CTBP2: variants seen among roughly 807,000 people sequenced by gnomAD.
CTBP2 encodes C-terminal-binding protein 2.
CTBP2 carries 30 observed loss-of-function variants against 80.3 expected under a neutral mutation model. The observed-to-expected ratio is 0.37, with a 90% confidence interval of 0.28 to 0.51. CTBP2 has a LOEUF of 0.51. Ranked by LOEUF, CTBP2 falls within the 20% of genes least tolerant of loss-of-function variation. CTBP2 has a pLI of 0.93. For synonymous variants in CTBP2, 594 were observed against 587.4 expected (o/e 1.01, Z -0.16); for missense variants, 1,212 against 1,375.3 (o/e 0.88, Z 1.88).
intron 8 of CTBP2, among the ~76,000 whole-genome samples, chr10:124,991,797 T>A (rs536100589): frequency 6.7e-6 from 1 of 150,206 alleles, no homozygotes; most frequent in South Asian, 2.1e-4. Flanking sequence ...AAACCCTGGT[T>A]TAGAATATGC....
intron 1 of CTBP2, among the ~76,000 whole-genome samples, chr10:125,152,162 G>A (rs1416408921): frequency 1.3e-5 from 2 of 152,078 alleles, no homozygotes; most frequent in South Asian, 2.1e-4. Flanking sequence ...AGGTCCACCC[G>A]CCGGGAGGAG....
chr10:125,151,005 T>C (rs1288952606), intron 1 of CTBP2, among the ~76,000 whole-genome samples: 1 of 150,894 alleles, frequency 6.6e-6, no homozygotes, highest in Non-Finnish European at 1.5e-5. Flanking sequence ...AGGTGATAGT[T>C]AGTCACTGTT....
intron 1 of CTBP2, among the ~76,000 whole-genome samples, chr10:125,009,008 T>C (rs1006457390): frequency 1.3e-5 from 2 of 152,230 alleles, no homozygotes; most frequent in Non-Finnish European, 2.9e-5. Context: ...AAAAAAGTTC[T>C]AAGTTGCTAG....
intron 1 of CTBP2, chr10:125,005,969 C>A (rs1365988892): frequency 6.8e-7 from 1 of 1,473,684 alleles, no homozygotes; most frequent in Non-Finnish European, 8.9e-7. Context: ...AGGTGGGAAT[C>A]CAGAGCCGCT....
chr10:125,125,151 T>G (rs1316802268), intron 1 of CTBP2, among the ~76,000 whole-genome samples: 1 of 152,224 alleles, frequency 6.6e-6, no homozygotes, highest in Non-Finnish European at 1.5e-5. Flanking sequence ...CCAGATGGCT[T>G]GCTGAACTCT....
chr10:125,110,463 A>G (rs1374549978), intron 2 of CTBP2, among the ~76,000 whole-genome samples: 1 of 152,080 alleles, frequency 6.6e-6, no homozygotes, highest in Non-Finnish European at 1.5e-5. Context: ...CACATTCCCA[A>G]TCTACTCCGC....
chr10:124,986,285 G>GCACACACACA lies in CTBP2; in HGVS notation c.*3232_*3233insTGTGTGTGTG, dbSNP rs1295268779. The GCACACACACA allele has an allele frequency of 2.4e-3, 136 of 57,834 alleles. 1 individual carries two copies. The highest frequency in any genetic ancestry group is 7.1e-3 in the African/African-American group (127 of 17,912). 3.6% of individuals were successfully genotyped at this position (57,834 alleles called of 1,614,324 possible). On this transcript the variant is annotated 3_prime_UTR_variant, in exon 9 of 9. Transcript: ENST00000309035. ...TTGGAAAGACGACACACGCACGCGC[G>GCACACACACA]CGCGCGCACACACACACACACACAC...
At position 124,993,865 on chromosome 10, in the gene CTBP2, C is replaced by T. The variant is rs779847652; in HGVS notation, c.2521G>A (p.Glu841Lys). 1.2e-6 allele frequency: 2 copies of T among 1,612,698 alleles called. No individual in the cohort carries two copies. Among genetic ancestry groups the T allele is most frequent in the South Asian group, 1.1e-5 (1 of 90,970 alleles). The stretch of plus-strand genomic sequence containing the variant: ...TGGGGCAACACGCACCTGAAGGGCT[C>T]TGACTCATGCACGTCGAGGGCTGCC... Residue 841 changes from glutamate to lysine, a missense_variant, in exon 6 of 9, where the codon GAG (glutamate) becomes AAG (lysine). Physicochemically the swap from Glu to Lys is moderately conservative, Grantham distance 56 (BLOSUM62 1). Coordinates refer to ENST00000309035, the MANE Select transcript of CTBP2 (RefSeq NM_022802.3).
intron 4 of CTBP2, among the ~76,000 whole-genome samples, chr10:124,995,462 G>A (rs980611096): frequency 2.0e-5 from 3 of 152,184 alleles, no homozygotes; most frequent in Non-Finnish European, 2.9e-5. Flanking sequence ...TAGTGTTGAT[G>A]CTCGACTGGT....
chr10:125,003,509 G>A lies in CTBP2; in HGVS notation c.1679-17C>T. The A allele has an allele frequency of 6.5e-7, 1 of 1,536,208 alleles. No homozygotes were observed. Among genetic ancestry groups the A allele is most frequent in the Non-Finnish European group, 8.7e-7 (1 of 1,144,584 alleles). ...GGCGGATACCTGCCAGGAGGGAAGG[G>A]GTGAGCACAGTGGGTGGGTGGCTGG... On this transcript the variant is annotated splice_polypyrimidine_tract_variant and intron_variant, in intron 1 of 8. Transcript: ENST00000309035.
Position 124,985,086 on chromosome 10 carries a change from G to A in CTBP2, c.*4432C>T, listed in dbSNP as rs1261077381. On this transcript the variant is annotated 3_prime_UTR_variant, in exon 9 of 9. Coordinates refer to ENST00000309035, the MANE Select transcript of CTBP2 (RefSeq NM_022802.3). ...CCAAGCAGAGTCGACATCATGGAAT[G>A]AACCAAATCTGGCAGGATCTGCTCG... 2.0e-6 allele frequency: 2 copies of A among 1,004,168 alleles called. No homozygotes were observed. The highest frequency in any genetic ancestry group is 3.2e-5 in the African/African-American group (2 of 61,936). The allele number at this position is 1,004,168 out of a possible 1,614,324, so 62.2% of individuals were successfully genotyped here. A position where few individuals can be genotyped will look rare whatever the true frequency, so the allele number is the denominator to read the frequency against.
chr10:125,081,430 T>C lies in CTBP2; in HGVS notation c.-102+29560A>G, dbSNP rs75451473. ...TTGTCTTATGTGAAAGAATGGGCAC[T>C]GTGTTTAGGAAAAATTAACTCCTCC... is the stretch of plus-strand genomic sequence containing the variant. On this transcript the variant is annotated intron_variant, in intron 2 of 10. Transcript: ENST00000337195. Among the ~76,000 whole-genome samples, 151 of 152,356 alleles carry C rather than the reference T, an allele frequency of 9.9e-4. 1 individual carries two copies. The highest frequency in any genetic ancestry group is 2.3e-3 in the East Asian group (12 of 5,184).
At chr10:125,100,268 G>C (rs114324640) in intron 2 of CTBP2, among the ~76,000 whole-genome samples, 279 of 152,336 alleles carry the variant, frequency 1.8e-3, no homozygotes, top group African/African-American at 6.3e-3. Flanking sequence ...AATGGTATTT[G>C]ATGATTGGCC....
intron 8 of CTBP2, among the ~76,000 whole-genome samples, chr10:124,991,138 C>T (rs1373858973): frequency 6.6e-6 from 1 of 152,254 alleles, no homozygotes; most frequent in East Asian, 1.9e-4. Flanking sequence ...TGAGGACACA[C>T]TGCATTCGCC....
At chr10:125,019,047 G>A (rs1225572450) in intron 1 of CTBP2, among the ~76,000 whole-genome samples, 1 of 152,246 alleles carries the variant, frequency 6.6e-6, no homozygotes, top group Non-Finnish European at 1.5e-5. Context: ...GGCAAAAGTT[G>A]TTTTATTCAC....
intron 1 of CTBP2, among the ~76,000 whole-genome samples, chr10:125,111,834 G>A (rs146682644): frequency 6.6e-6 from 1 of 152,202 alleles, no homozygotes; most frequent in Admixed American, 6.5e-5. Flanking sequence ...GGCTGATGGG[G>A]AAGGCAGACA....
intron 2 of CTBP2, among the ~76,000 whole-genome samples, chr10:125,047,566 G>A (rs1961583144): frequency 6.6e-6 from 1 of 152,170 alleles, no homozygotes; most frequent in Non-Finnish European, 1.5e-5. Context: ...TTTTGAACTT[G>A]AGGACTTGCA....
intron 2 of CTBP2, among the ~76,000 whole-genome samples, chr10:125,082,019 G>C (rs55858631): frequency 0.029 from 4,403 of 152,210 alleles, 94 homozygotes; most frequent in Middle Eastern, 0.068. Context: ...ACCTGCTGCT[G>C]TGTGCCAGAG....
At chr10:125,111,670 T>C (rs1328879445) in intron 1 of CTBP2, among the ~76,000 whole-genome samples, 1 of 152,220 alleles carries the variant, frequency 6.6e-6, no homozygotes, top group Admixed American at 6.5e-5. Context: ...TCTTGGCAAA[T>C]GCAATATGAA....
Sources: gnomAD v4.1 joint callset for allele counts (sites outside exome capture counted in the v4.1 genomes callset) on GRCh38, gnomAD v4.1.1 for gene constraint, MANE v1.5 for transcripts, NCBI Gene and HGNC (gene_info 2026-07-23, HGNC 2026-07-21) for gene names.